Variants in EDNRB observed in about 807,000 individuals in gnomAD.
The protein encoded by EDNRB is endothelin receptor type B.
Under a neutral mutation model 46.4 loss-of-function variants are expected in EDNRB, and 18 were observed. That is an observed-to-expected ratio of 0.39 (90% CI 0.27 to 0.57). The LOEUF is 0.57. Ranked by LOEUF, EDNRB falls within the 20% of genes least tolerant of loss-of-function variation. The pLI, the probability that EDNRB is intolerant of heterozygous loss-of-function variation, is 0.61. For synonymous variants in EDNRB, 213 were observed against 204.9 expected, an observed-to-expected ratio of 1.04 and a Z score of -0.34; for missense variants, 434 against 537.5, an observed-to-expected ratio of 0.81 and a Z score of 1.90.
chr13:77,974,681 G>A (rs1169716811), intron 1 of EDNRB, among the ~76,000 whole-genome samples: 2 of 151,894 alleles, frequency 1.3e-5, no homozygotes, highest in East Asian at 3.9e-4. Flanking sequence ...CCACTGTGAA[G>A]GGATCTAAAA....
intron 1 of EDNRB, among the ~76,000 whole-genome samples, chr13:77,955,848 T>TCTATCTAG: frequency 1.3e-5 from 1 of 76,682 alleles, no homozygotes; most frequent in East Asian, 8.1e-4. Flanking sequence ...TGTGTGTGTA[T>TCTATCTAG]CTATCTATCT....
At chr13:77,962,537 A>G (rs981717170) in intron 1 of EDNRB, among the ~76,000 whole-genome samples, 1 of 152,256 alleles carries the variant, frequency 6.6e-6, no homozygotes, top group Non-Finnish European at 1.5e-5. Context: ...TTATCACAAT[A>G]GATGCAGAAA....
chr13:77,919,051 G>A (rs1879974829), upstream of EDNRB: 1 of 534,118 alleles, frequency 1.9e-6, no homozygotes, highest in East Asian at 5.5e-5. Flanking sequence ...TTGCCCCGCA[G>A]GGGAACCTCT....
At chr13:77,957,763 T>C (rs1594396788) in intron 1 of EDNRB, among the ~76,000 whole-genome samples, 1 of 152,226 alleles carries the variant, frequency 6.6e-6, no homozygotes, top group Non-Finnish European at 1.5e-5. Context: ...TCCTATGATA[T>C]ATTTTGTGAA....
intron 1 of EDNRB, among the ~76,000 whole-genome samples, chr13:77,936,724 G>T (rs1880577244): frequency 6.6e-6 from 1 of 152,232 alleles, no homozygotes; most frequent in Admixed American, 6.5e-5. Flanking sequence ...ACATGGCTTA[G>T]GAGGAATCCC....
chr13:77,936,231 G>A (rs1022016213), intron 1 of EDNRB, among the ~76,000 whole-genome samples: 10 of 152,228 alleles, frequency 6.6e-5, no homozygotes, highest in South Asian at 6.2e-4. Context: ...GGGAAAAGGC[G>A]GCAATGAGGT....
chr13:77,941,557 AT>A (rs1391014190), intron 1 of EDNRB, among the ~76,000 whole-genome samples: 4 of 152,310 alleles, frequency 2.6e-5, no homozygotes, highest in African/African-American at 7.2e-5. Context: ...TAGCTAGCTC[AT>A]TTTCCTCACA....
intron 6 of EDNRB, among the ~76,000 whole-genome samples, chr13:77,898,585 A>G (rs555200391): frequency 6.6e-6 from 1 of 152,152 alleles, no homozygotes; most frequent in South Asian, 2.1e-4. Context: ...GCCACTTTTA[A>G]TTGATATTTA....
intron 1 of EDNRB, among the ~76,000 whole-genome samples, chr13:77,929,539 G>A (rs1880328383): frequency 6.6e-6 from 1 of 152,146 alleles, no homozygotes; most frequent in African/African-American, 2.4e-5. Flanking sequence ...ATCTGTCTAT[G>A]TTAGAGCAAT....
chr13:77,904,412 G>A (rs966743965), intron 1 of EDNRB, among the ~76,000 whole-genome samples: 1 of 151,546 alleles, frequency 6.6e-6, no homozygotes, highest in African/African-American at 2.4e-5. Flanking sequence ...ATTTTTTTCT[G>A]TCTGGATCCC....
chr13:77,972,295 C>T (rs1323395291), intron 1 of EDNRB, among the ~76,000 whole-genome samples: 2 of 152,208 alleles, frequency 1.3e-5, no homozygotes, highest in East Asian at 1.9e-4. Context: ...ATAACAATTG[C>T]TTTTGTTTAA....
chr13:77,944,717 T>G (rs1248496511), intron 1 of EDNRB: 4 of 152,106 alleles, frequency 2.6e-5, no homozygotes, highest in African/African-American at 9.7e-5. Context: ...AAAGGCAGAA[T>G]GGAGGGAGTA....
chr13:77,975,104 G>A (rs1487071288), intron 1 of EDNRB, among the ~76,000 whole-genome samples: 1 of 152,120 alleles, frequency 6.6e-6, no homozygotes, highest in African/African-American at 2.4e-5. Context: ...CAAAACCAAA[G>A]TATCAAGCAA....
intron 1 of EDNRB, among the ~76,000 whole-genome samples, chr13:77,964,112 C>T (rs1352620892): frequency 6.6e-6 from 1 of 152,128 alleles, no homozygotes; most frequent in Non-Finnish European, 1.5e-5. Context: ...ATTAAAAAGT[C>T]AGGAAACAAC....
intron 1 of EDNRB, among the ~76,000 whole-genome samples, chr13:77,967,803 G>A (rs1215292667): frequency 6.6e-6 from 1 of 152,128 alleles, no homozygotes; most frequent in East Asian, 1.9e-4. Flanking sequence ...CCTCCTAAGA[G>A]CTATGTAGAT....
chr13:77,944,358 ATG>A (rs1880841462), intron 1 of EDNRB, among the ~76,000 whole-genome samples: 1 of 152,106 alleles, frequency 6.6e-6, no homozygotes, highest in Non-Finnish European at 1.5e-5. Flanking sequence ...GTTGTCTTGA[ATG>A]TGTGTGATTC....
At position 77,896,500 on chromosome 13, in the gene EDNRB, T is replaced by A; in HGVS notation, c.*1700A>T. ...TGTTGGGTTTTGGTTTACTGTACCA[T>A]CACATTCAATATTGACAGAAAACAA... On this transcript the variant is annotated 3_prime_UTR_variant, in exon 7 of 7. Coordinates refer to ENST00000646607, the MANE Select transcript of EDNRB (RefSeq NM_001122659.3). The A allele has an allele frequency of 6.3e-7, 1 of 1,582,034 alleles. No homozygotes were observed. Among genetic ancestry groups the A allele is most frequent in the Non-Finnish European group, 8.6e-7 (1 of 1,162,034 alleles).
At position 77,918,613 on chromosome 13, in the gene EDNRB, C is replaced by T; in HGVS notation, c.-40G>A. 1 of 1,557,410 alleles carries T rather than the reference C, an allele frequency of 6.4e-7. No individual in the cohort carries two copies. Among genetic ancestry groups the T allele is most frequent in the South Asian group, 1.2e-5 (1 of 81,518 alleles). On this transcript the variant is annotated 5_prime_UTR_variant, in exon 1 of 7. Transcript: ENST00000646607. This position sits in a 1 kb window ranked among gnomAD's most constrained non-coding sequence, Gnocchi z 4.5. ...CAGAAGGCGTCCGGTGGCCGCTCCG[C>T]AGTTTCAGAGCCTAGAGACAAGCAG...
At chr13:77,969,513 T>G (rs1278700990) in intron 1 of EDNRB, among the ~76,000 whole-genome samples, 1 of 152,168 alleles carries the variant, frequency 6.6e-6, no homozygotes, top group Non-Finnish European at 1.5e-5. Flanking sequence ...CATGGTAGTT[T>G]GGGTCTGAGA....
Sources: allele counts gnomAD v4.1 joint callset (sites outside exome capture counted in the v4.1 genomes callset), GRCh38; gene constraint gnomAD v4.1.1; non-coding constraint Gnocchi (gnomAD v3.1); transcripts MANE v1.5; gene names NCBI Gene and HGNC (gene_info 2026-07-23, HGNC 2026-07-21).